Variants in PHF3 observed in about 807,000 individuals in gnomAD.
The protein encoded by PHF3 is PHD finger protein 3.
PHF3 carries 41 observed loss-of-function variants against 178.4 expected under a neutral mutation model. That is an observed-to-expected ratio of 0.23 (90% CI 0.18 to 0.30). PHF3 has a LOEUF of 0.30. Ranked by LOEUF, PHF3 falls within the 10% of genes least tolerant of loss-of-function variation. The pLI, the probability that PHF3 is intolerant of heterozygous loss-of-function variation, is 1.00. For missense variants in PHF3, 2,346 were observed against 2,398.1 expected (o/e 0.98, Z 0.45); for synonymous variants, 842 against 800.5 (o/e 1.05, Z -0.88).
At chr6:63,644,822 G>A (rs75470317) in intron 1 of PHF3, among the ~76,000 whole-genome samples, 1 of 151,570 alleles carries the variant, frequency 6.6e-6, no homozygotes, top group Non-Finnish European at 1.5e-5. Context: ...TCTCAGGTAT[G>A]CACCTGCCCT....
At chr6:63,706,916 A>T in intron 13 of PHF3, 40 bp downstream of exon 13, 1 of 1,575,268 alleles carries the variant, frequency 6.3e-7, no homozygotes, top group Non-Finnish European at 8.7e-7. Context: ...ATGAATTGAT[A>T]ATGTGTGTTT....
chr6:63,678,893 G>A, intron 2 of PHF3: 1 of 443,996 alleles, frequency 2.3e-6, no homozygotes, highest in Non-Finnish European at 4.5e-6. Flanking sequence ...ATGAGGACTA[G>A]ATAACTCCTT....
rs752366381 is a variant in PHF3 at position 63,691,987 on chromosome 6, G to C, written c.2440G>C (p.Asp814His). The C allele has an allele frequency of 3.1e-6, 5 of 1,613,458 alleles. No individual in the cohort carries two copies. Among genetic ancestry groups the C allele is most frequent in the Admixed American group, 1.7e-5 (1 of 59,982 alleles). The change falls in exon 5 of 16, where the codon GAT (aspartate) becomes CAT (histidine). Residue 814 changes from aspartate (D) to histidine (H), a missense_variant. This residue lies in a region of PHF3 where 252 missense variants were observed against 232.0 expected (regional missense o/e 1.09). Transcript: ENST00000262043. ...KLGLSKHTTN[D>H]RTKYIDDTVK... ...TGGATTATCAAAACACACAACAAAT[G>C]ATAGAACCAAATATATAGATGATAC...
intron 1 of PHF3, among the ~76,000 whole-genome samples, chr6:63,642,716 A>G (rs1480786895): frequency 6.6e-6 from 1 of 152,132 alleles, no homozygotes; most frequent in Non-Finnish European, 1.5e-5. Context: ...TGGGCTTCCT[A>G]TGTTTTATTA....
chr6:63,689,541 A>AGAGT (rs1434075681), intron 4 of PHF3, among the ~76,000 whole-genome samples: 25 of 152,136 alleles, frequency 1.6e-4, no homozygotes, highest in African/African-American at 5.8e-4. Flanking sequence ...TGATCTTAGA[A>AGAGT]GAGTGAGTCT....
At chr6:63,676,958 T>C (rs1044631043) in intron 2 of PHF3, among the ~76,000 whole-genome samples, 3 of 152,116 alleles carry the variant, frequency 2.0e-5, no homozygotes, top group Non-Finnish European at 2.9e-5. Flanking sequence ...ATAGCTTGGA[T>C]GTGTCAGATA....
intron 2 of PHF3, among the ~76,000 whole-genome samples, chr6:63,671,624 A>ATG (rs1661772128): frequency 6.6e-6 from 1 of 152,254 alleles, no homozygotes; most frequent in South Asian, 2.1e-4. Context: ...GAAATAGCAA[A>ATG]TGAAGGGTAC....
In PHF3 at chr6:63,723,381, C is replaced by G. The variant is rs1025376766; in HGVS notation, c.*9673C>G. Among the ~76,000 whole-genome samples the G allele has an allele frequency of 1.3e-5, 2 of 152,032 alleles. No individual in the cohort carries two copies. Among genetic ancestry groups the G allele is most frequent in the African/African-American group, 4.8e-5 (2 of 41,392 alleles). On this transcript the variant is annotated 3_prime_UTR_variant, in exon 16 of 16. Coordinates refer to ENST00000262043, the MANE Select transcript of PHF3 (RefSeq NM_001370348.2). ...TTAAGTTCAAAAAATTTATAGCAAC[C>G]TAAATATACTTTGTGGCCTGCAAGT...
intron 2 of PHF3, among the ~76,000 whole-genome samples, chr6:63,656,376 A>G (rs973007891): frequency 6.6e-6 from 1 of 152,132 alleles, no homozygotes; most frequent in African/African-American, 2.4e-5. Context: ...TGTTGCTTAA[A>G]TTTATTCCAT....
chr6:63,685,521 C>T lies in PHF3; in HGVS notation c.1799C>T (p.Ser600Leu). 1 of 1,614,048 alleles carries T rather than the reference C, an allele frequency of 6.2e-7. No homozygotes were observed. The change falls in exon 4 of 16, where the codon TCA (serine) becomes TTA (leucine). Residue 600 changes from serine (S) to leucine (L), a missense_variant. Physicochemically the swap from Ser to Leu is moderately radical, Grantham distance 145 (BLOSUM62 -2). Transcript: ENST00000262043. The stretch of plus-strand genomic sequence containing the variant: ...TTAACTCATTCTTTGAGTGATAAGT[C>T]ACACGCTCATCCTGGTTGCTTGAAA... The part of the protein sequence containing the change: ...KPLTHSLSDK[S>L]HAHPGCLKEP...
At position 63,684,226 on chromosome 6, in the gene PHF3, T is replaced by C. The variant is rs748379115; in HGVS notation, c.504T>C (p.Thr168=). Residue 168 remains threonine, a synonymous_variant, in exon 4 of 16, where the codon ACT becomes ACC. Coordinates refer to ENST00000262043, the MANE Select transcript of PHF3 (RefSeq NM_001370348.2). ...AAGCATCTGGGAAGACTGTATCTAC[T>C]GCTAAAGCAGGAGTGAAACAACCAG... ...TKKASGKTVS[T]AKAGVKQPER... 1 of 1,614,072 alleles carries C rather than the reference T, an allele frequency of 6.2e-7. No individual in the cohort carries two copies. Among genetic ancestry groups the C allele is most frequent in the Admixed American group, 1.7e-5 (1 of 60,024 alleles).
intron 2 of PHF3, among the ~76,000 whole-genome samples, chr6:63,665,951 T>A (rs550986569): frequency 3.4e-4 from 52 of 152,334 alleles, no homozygotes; most frequent in African/African-American, 1.3e-3. Context: ...TCAGTATCCT[T>A]CCTTTTGGAT....
intron 11 of PHF3, 143 bp from the exon 12 acceptor site, chr6:63,705,885 AT>A (rs1266660014): frequency 3.3e-5 from 20 of 615,194 alleles, no homozygotes; most frequent in Non-Finnish European, 5.2e-5. Flanking sequence ...CAACTAAATG[AT>A]GACAGTTAGA....
intron 2 of PHF3, among the ~76,000 whole-genome samples, chr6:63,668,725 T>A (rs976906383): frequency 6.6e-6 from 1 of 151,908 alleles, no homozygotes; most frequent in African/African-American, 2.4e-5. Context: ...ATGCTCAAAT[T>A]TTTTTTTAAC....
chr6:63,692,902 G>A (rs1582091314), intron 5 of PHF3, among the ~76,000 whole-genome samples: 2 of 152,268 alleles, frequency 1.3e-5, no homozygotes, highest in East Asian at 1.9e-4. Flanking sequence ...TCTGCAACAC[G>A]ATATGGAAGT....
At chr6:63,693,229 C>T (rs1033147281) in intron 5 of PHF3, among the ~76,000 whole-genome samples, 45 of 152,170 alleles carry the variant, frequency 3.0e-4, no homozygotes, top group Admixed American at 1.4e-3. Flanking sequence ...TCACCTCTTA[C>T]GTACAGCTTC....
rs1768482119 is a variant in PHF3, at chr6:63,723,399, C to G, written c.*9691C>G. On this transcript the variant is annotated 3_prime_UTR_variant, in exon 16 of 16. Coordinates refer to ENST00000262043, the MANE Select transcript of PHF3 (RefSeq NM_001370348.2). Reference sequence around the variant, plus strand: ...TAGCAACCTAAATATACTTTGTGGCCTGCAAGTGAACACAAACCAGTTATC... The same window carrying G: ...TAGCAACCTAAATATACTTTGTGGCGTGCAAGTGAACACAAACCAGTTATC... Among the ~76,000 whole-genome samples, 1 of 152,078 alleles carries G rather than the reference C, an allele frequency of 6.6e-6. No individual in the cohort carries two copies. Among genetic ancestry groups the G allele is most frequent in the Non-Finnish European group, 1.5e-5 (1 of 68,008 alleles).
At chr6:63,672,638 A>G (rs1182670763) in intron 2 of PHF3, among the ~76,000 whole-genome samples, 1 of 152,182 alleles carries the variant, frequency 6.6e-6, no homozygotes, top group South Asian at 2.1e-4. Flanking sequence ...TTGTGGTTAC[A>G]TGATAGGATA....
At chr6:63,650,615 AGTGTGATTTAGTCCCTTTT>A (rs1374921801) in intron 2 of PHF3, among the ~76,000 whole-genome samples, 1 of 152,204 alleles carries the variant, frequency 6.6e-6, no homozygotes. Context: ...TATCAGTAAT[AGTGTGATTTAGTCCCTTTT>A]TTGGCATATG....
Sources: gnomAD v4.1 joint callset for allele counts (sites outside exome capture counted in the v4.1 genomes callset) on GRCh38, gnomAD v4.1.1 for gene constraint, gnomAD v4.1.1 regional missense constraint, MANE v1.5 for transcripts, NCBI Gene and HGNC (gene_info 2026-07-23, HGNC 2026-07-21) for gene names.